The following UNC13C variants were observed in gnomAD, a reference collection of about 807,000 sequenced individuals.
UNC13C encodes unc-13 homolog C, also known as protein unc-13 homolog C.
In UNC13C, 174 loss-of-function variants were observed where a neutral mutation model predicts 245.4. That is an observed-to-expected ratio of 0.71 (90% CI 0.63 to 0.80). The LOEUF is 0.80. UNC13C is among the 30% of genes least tolerant of loss of function. The pLI, the probability that UNC13C is intolerant of heterozygous loss-of-function variation, is 0.00. For synonymous variants in UNC13C, 992 were observed against 895.1 expected (o/e 1.11, Z -1.93); for missense variants, 2,829 against 2,602.9 (o/e 1.09, Z -1.89).
chr15:54,262,471 CT>C (rs989280437), intron 8 of UNC13C, among the ~76,000 whole-genome samples: 1 of 152,124 alleles, frequency 6.6e-6, no homozygotes, highest in African/African-American at 2.4e-5. Flanking sequence ...TAAAATATGC[CT>C]ATCAGATAGT....
intron 19 of UNC13C, among the ~76,000 whole-genome samples, chr15:54,429,655 C>G (rs61684533): frequency 1.3e-5 from 2 of 151,152 alleles, no homozygotes; most frequent in Non-Finnish European, 3.0e-5. Flanking sequence ...AGATTTTTTC[C>G]TAATTGAATT....
chr15:54,358,784 T>A lies in UNC13C; in HGVS notation c.4713+20295T>A, dbSNP rs565026665. Among the ~76,000 whole-genome samples the A allele has an allele frequency of 2.0e-5, 3 of 152,176 alleles. No homozygotes were observed. The East Asian group carries it at 5.8e-4, about 29-fold the overall frequency. ...ACAGGGATAATTTGACTTTCTCCTA[T>A]CCAATTTGGATGCCCTTTATCTCTT... On this transcript the variant is annotated intron_variant, in intron 17 of 32. Transcript: ENST00000260323.
chr15:54,567,874 A>T lies in UNC13C; in HGVS notation c.6033A>T (p.Arg2011Ser), dbSNP rs188750094. The stretch of plus-strand genomic sequence containing the variant: ...AAAGCCCAGATCTTCAGTCTCTGAG[A>T]TATGCTCTCAGTCTTTATACCCAAA... ...LEKSPDLQSL[R>S]YALSLYTQTT... Residue 2011 changes from arginine to serine, a missense_variant, in exon 30 of 33, where the codon AGA becomes AGT. Coordinates refer to ENST00000260323, the MANE Select transcript of UNC13C (RefSeq NM_001080534.3). 5 of 1,600,884 alleles carry T rather than the reference A, an allele frequency of 3.1e-6. No homozygotes were observed. The Admixed American group carries it at 5.1e-5, about 16-fold the overall frequency.
intron 2 of UNC13C, chr15:54,050,874 T>C: frequency 1.8e-6 from 1 of 559,336 alleles, no homozygotes; most frequent in Non-Finnish European, 3.6e-6. Flanking sequence ...ATCTTCAGTC[T>C]CATGACTCCA....
At chr15:54,224,958 T>C (rs1567113476) in intron 4 of UNC13C, among the ~76,000 whole-genome samples, 1 of 152,058 alleles carries the variant, frequency 6.6e-6, no homozygotes. Context: ...TAGCCTCCAA[T>C]GATCCTTTGA....
chr15:54,043,225 G>A (rs182308309), intron 2 of UNC13C, among the ~76,000 whole-genome samples: 19 of 152,284 alleles, frequency 1.2e-4, no homozygotes, highest in African/African-American at 4.3e-4. Context: ...ATGCAATAAA[G>A]GAGGCAGCCT....
At position 54,226,570 on chromosome 15, in the gene UNC13C, A is replaced by G. The variant is rs10162881; in HGVS notation, c.3072-8460A>G. On this transcript the variant is annotated intron_variant, in intron 4 of 32. Transcript: ENST00000260323. ...TTGTTCCATCCACTTGCCCCAGCCA[A>G]CTGTGCTTGGCTTACGCCACTGGCC... Among the ~76,000 whole-genome samples the G allele has an allele frequency of 7.4e-3, 1,124 of 152,226 alleles. 17 individuals are homozygous for G. The highest frequency in any genetic ancestry group is 0.026 in the African/African-American group (1,093 of 41,546).
intron 2 of UNC13C, among the ~76,000 whole-genome samples, chr15:54,106,239 G>C (rs1037124654): frequency 1.3e-5 from 2 of 152,092 alleles, no homozygotes; most frequent in Admixed American, 1.3e-4. Flanking sequence ...TATAGAAATA[G>C]GAAATAATAT....
At chr15:54,105,165 C>A (rs1375168911) in intron 2 of UNC13C, among the ~76,000 whole-genome samples, 1 of 152,114 alleles carries the variant, frequency 6.6e-6, no homozygotes, top group African/African-American at 2.4e-5. Context: ...CTCAGTCTCA[C>A]TTTTTGCCTA....
chr15:54,086,018 A>C (rs978749652), intron 2 of UNC13C, among the ~76,000 whole-genome samples: 1 of 152,230 alleles, frequency 6.6e-6, no homozygotes, highest in Non-Finnish European at 1.5e-5. Context: ...GGAATGATCA[A>C]ATTTGGATCA....
At chr15:54,463,836 G>A (rs1892017559) in intron 19 of UNC13C, among the ~76,000 whole-genome samples, 1 of 152,112 alleles carries the variant, frequency 6.6e-6, no homozygotes, top group African/African-American at 2.4e-5. Context: ...AGAGTTGAAG[G>A]GAATGCCATT....
At chr15:54,432,537 T>G (rs1262861904) in intron 19 of UNC13C, among the ~76,000 whole-genome samples, 2 of 152,000 alleles carry the variant, frequency 1.3e-5, no homozygotes, top group African/African-American at 4.8e-5. Flanking sequence ...AATAAATTAT[T>G]TCTTTGAAAC....
chr15:54,599,367 AT>A (rs1351647264), intron 30 of UNC13C, among the ~76,000 whole-genome samples: 1 of 152,092 alleles, frequency 6.6e-6, no homozygotes, highest in African/African-American at 2.4e-5. Context: ...TTTCTTCTGC[AT>A]TTGATGCCTT....
intron 3 of UNC13C, among the ~76,000 whole-genome samples, chr15:54,143,249 G>A (rs1897069): frequency 3.9e-5 from 6 of 151,928 alleles, no homozygotes; most frequent in Non-Finnish European, 8.8e-5. Flanking sequence ...GCTTACCTTA[G>A]CTATACTTGC....
chr15:54,412,314 G>A (rs2040432562), intron 18 of UNC13C, among the ~76,000 whole-genome samples: 2 of 152,170 alleles, frequency 1.3e-5, no homozygotes, highest in African/African-American at 2.4e-5. Flanking sequence ...CATAATCATG[G>A]TTGAAGGCTG....
chr15:54,198,564 C>A (rs1220809518), intron 4 of UNC13C, among the ~76,000 whole-genome samples: 1 of 152,116 alleles, frequency 6.6e-6, no homozygotes, highest in East Asian at 1.9e-4. Context: ...CAGTACCAAC[C>A]CAGAGCCTGG....
chr15:54,462,758 C>T lies in UNC13C; in HGVS notation c.4934-31850C>T, dbSNP rs572166512. ...CCAACCCATGGGCTCCCGCGCAGCC[C>T]GAGGAGCCTCCCTGACGGGCGCCAC... On this transcript the variant is annotated intron_variant, in intron 19 of 32. Coordinates refer to ENST00000260323, the MANE Select transcript of UNC13C (RefSeq NM_001080534.3). Among the ~76,000 whole-genome samples the T allele has an allele frequency of 1.1e-4, 16 of 152,334 alleles. No homozygotes were observed. In the South Asian group the frequency reaches 1.2e-3, roughly 12 times the overall value.
At position 54,032,428 on chromosome 15, in the gene UNC13C, G is replaced by T. The variant is rs202070933; in HGVS notation, c.2983+16542G>T. Among the ~76,000 whole-genome samples, 15 of 152,170 alleles carry T rather than the reference G, an allele frequency of 9.9e-5. No homozygotes were observed. The South Asian group carries it at 2.9e-3, about 29-fold the overall frequency. The stretch of plus-strand genomic sequence containing the variant: ...CCACCTTCCTGGGTGCCTTCATTGC[G>T]TTGATGAGTGATTGCTCAGGTTTGA... On this transcript the variant is annotated intron_variant, in intron 2 of 32. Coordinates refer to ENST00000260323, the MANE Select transcript of UNC13C (RefSeq NM_001080534.3).
intron 4 of UNC13C, among the ~76,000 whole-genome samples, chr15:54,202,618 A>G (rs1240849341): frequency 3.3e-5 from 5 of 152,128 alleles, no homozygotes; most frequent in African/African-American, 1.2e-4. Context: ...AGCCACATGT[A>G]GAAGAATGAA....
Sources: gnomAD v4.1 joint callset for allele counts (sites outside exome capture counted in the v4.1 genomes callset) on GRCh38, gnomAD v4.1.1 for gene constraint, MANE v1.5 for transcripts, NCBI Gene and HGNC (gene_info 2026-07-23, HGNC 2026-07-21) for gene names.